The following DLGAP2 variants were observed in gnomAD, a reference collection of about 807,000 sequenced individuals.
The protein encoded by DLGAP2 is DLG associated protein 2.
In DLGAP2, 26 loss-of-function variants were observed where a neutral mutation model predicts 100.3. The observed-to-expected ratio is 0.26, with a 90% CI of 0.19 to 0.36. The LOEUF (loss-of-function observed/expected upper bound fraction) is 0.36, where lower values mean the gene tolerates loss of function less well. Among genes scored for constraint, DLGAP2 ranks in the 10% least tolerant of loss-of-function variants. The pLI is 1.00. For missense variants in DLGAP2, 1,858 were observed against 1,453.2 expected (o/e 1.28, Z -4.53); for synonymous variants, 886 against 630.1 (o/e 1.41, Z -6.08).
chr8:1,210,978 C>G (rs184067942), intron 2 of DLGAP2, among the ~76,000 whole-genome samples: 1 of 152,200 alleles, frequency 6.6e-6, no homozygotes, highest in Non-Finnish European at 1.5e-5. Flanking sequence ...TCCCCAACGT[C>G]CAGCGAGGCT....
At chr8:1,230,048 A>T (rs1179290579) in intron 2 of DLGAP2, among the ~76,000 whole-genome samples, 1 of 152,160 alleles carries the variant, frequency 6.6e-6, no homozygotes, top group African/African-American at 2.4e-5. Context: ...AAGACATCCA[A>T]ATAATAAAAC....
At chr8:1,586,881 G>A (rs571923097) in intron 6 of DLGAP2, among the ~76,000 whole-genome samples, 3 of 152,272 alleles carry the variant, frequency 2.0e-5, no homozygotes, top group South Asian at 4.2e-4. Flanking sequence ...GGATTTTCTG[G>A]GCATGTGGCT....
intron 2 of DLGAP2, among the ~76,000 whole-genome samples, chr8:970,041 A>T (rs1799975188): frequency 6.6e-6 from 1 of 152,212 alleles, no homozygotes; most frequent in South Asian, 2.1e-4. Flanking sequence ...CACACCATTG[A>T]CAAATGAGTG....
At chr8:781,302 T>C (rs1015212676) in intron 1 of DLGAP2, among the ~76,000 whole-genome samples, 1 of 152,216 alleles carries the variant, frequency 6.6e-6, no homozygotes, top group African/African-American at 2.4e-5. Flanking sequence ...ATTATTTAAA[T>C]GACGTTAAGT....
chr8:1,632,698 C>A, intron 7 of DLGAP2, 129 bp from the exon 8 acceptor site: 3 of 856,256 alleles, frequency 3.5e-6, no homozygotes, highest in Admixed American at 2.9e-5. Context: ...ATGCTGACTT[C>A]AGGTTAACTG....
At chr8:1,453,673 C>G (rs545434369) in intron 3 of DLGAP2, among the ~76,000 whole-genome samples, 1 of 152,176 alleles carries the variant, frequency 6.6e-6, no homozygotes, top group Non-Finnish European at 1.5e-5. Flanking sequence ...GCCGAACTCT[C>G]TACCTGGGCC....
At chr8:1,434,354 C>A (rs1472802330) in intron 3 of DLGAP2, among the ~76,000 whole-genome samples, 1 of 152,168 alleles carries the variant, frequency 6.6e-6, no homozygotes, top group Non-Finnish European at 1.5e-5. Context: ...GAAGTAGCCT[C>A]ACGTGCAGAC....
At chr8:1,355,648 C>A (rs528508845) in intron 3 of DLGAP2, among the ~76,000 whole-genome samples, 13 of 152,250 alleles carry the variant, frequency 8.5e-5, no homozygotes, top group Admixed American at 3.3e-4. Flanking sequence ...TAGGCATGAG[C>A]CACCGCACCT....
intron 3 of DLGAP2, among the ~76,000 whole-genome samples, chr8:1,409,872 G>C (rs918209585): frequency 6.6e-6 from 1 of 152,172 alleles, no homozygotes; most frequent in African/African-American, 2.4e-5. Flanking sequence ...CGGGGCCTTC[G>C]GGCTTAGACT....
intron 5 of DLGAP2, among the ~76,000 whole-genome samples, chr8:1,564,387 C>G (rs1802309794): frequency 6.6e-6 from 1 of 152,180 alleles, no homozygotes; most frequent in Non-Finnish European, 1.5e-5. Context: ...ATGGTTTACC[C>G]TCCCCTCAGA....
At chr8:940,516 A>T (rs556233803) in intron 2 of DLGAP2, among the ~76,000 whole-genome samples, 1 of 152,278 alleles carries the variant, frequency 6.6e-6, no homozygotes, top group African/African-American at 2.4e-5. Flanking sequence ...TGTGAGGAAC[A>T]TGCAGGAGCT....
At chr8:890,116 G>A (rs1367230999) in intron 1 of DLGAP2, among the ~76,000 whole-genome samples, 1 of 152,162 alleles carries the variant, frequency 6.6e-6, no homozygotes, top group Non-Finnish European at 1.5e-5. Context: ...GGATACCTTG[G>A]CTGCCGGTGA....
chr8:1,480,114 C>T (rs11989595), intron 3 of DLGAP2, among the ~76,000 whole-genome samples: 6,272 of 152,240 alleles, frequency 0.041, 445 homozygotes, highest in African/African-American at 0.14. Context: ...AGTGCAGAGC[C>T]GAACCCCGGC....
At chr8:1,355,782 C>G (rs535452181) in intron 3 of DLGAP2, among the ~76,000 whole-genome samples, 1 of 152,266 alleles carries the variant, frequency 6.6e-6, no homozygotes, top group African/African-American at 2.4e-5. Context: ...GTGTGGCTCC[C>G]TGTCTCCTCC....
intron 1 of DLGAP2, among the ~76,000 whole-genome samples, chr8:767,493 A>G (rs1407411408): frequency 8.6e-5 from 13 of 151,084 alleles, no homozygotes; most frequent in Non-Finnish European, 1.5e-5. Context: ...GGTAGCTGGG[A>G]TTAGAGGCAC....
intron 2 of DLGAP2, among the ~76,000 whole-genome samples, chr8:1,208,058 CTT>C (rs1171521309): frequency 6.6e-6 from 1 of 152,168 alleles, no homozygotes; most frequent in Non-Finnish European, 1.5e-5. Flanking sequence ...TGTGCAGAAG[CTT>C]TTTAGTTTAA....
chr8:1,370,247 T>A (rs1802205352), intron 3 of DLGAP2, among the ~76,000 whole-genome samples: 1 of 152,236 alleles, frequency 6.6e-6, no homozygotes, highest in South Asian at 2.1e-4. Flanking sequence ...GGAGGTGATG[T>A]CCCACGGTGC....
intron 4 of DLGAP2, among the ~76,000 whole-genome samples, chr8:1,512,880 C>A (rs1228111756): frequency 1.3e-5 from 2 of 152,260 alleles, no homozygotes; most frequent in East Asian, 1.9e-4. Flanking sequence ...AAGTGAGGCC[C>A]CGGGTCATGG....
chr8:771,755 G>A (rs1237361712), intron 1 of DLGAP2, among the ~76,000 whole-genome samples: 7 of 152,170 alleles, frequency 4.6e-5, no homozygotes, highest in African/African-American at 1.7e-4. Flanking sequence ...AAATGACTTT[G>A]TTTAAAAAGT....
Sources: allele counts gnomAD v4.1 joint callset (sites outside exome capture counted in the v4.1 genomes callset), GRCh38; gene constraint gnomAD v4.1.1; transcripts MANE v1.5; gene names NCBI Gene and HGNC (gene_info 2026-07-23, HGNC 2026-07-21).